The following ZNF577 variants were observed in gnomAD, a reference collection of about 807,000 sequenced individuals.
ZNF577 encodes the protein zinc finger protein 577.
ZNF577 carries 14 observed loss-of-function variants against 13.9 expected under a neutral mutation model. The ratio of observed to expected loss-of-function variants is 1.00; its 90% CI spans 0.66 to 1.57. ZNF577 has a LOEUF of 1.57. Among genes scored for constraint, ZNF577 ranks in the 40% most tolerant of loss-of-function variants. The pLI is 0.00. For missense variants in ZNF577, 555 were observed against 579.2 expected (o/e 0.96, Z 0.43); for synonymous variants, 203 against 202.9 (o/e 1.00, Z 0.00).
chr19:51,824,386 C>G lies in ZNF577; in HGVS notation c.*600-12712G>C. The G allele has an allele frequency of 6.2e-7, 1 of 1,614,132 alleles. No homozygotes were observed. The highest frequency in any genetic ancestry group is 8.5e-7 in the Non-Finnish European group (1 of 1,180,012). ...CACTTCATTATTGGCTTCAGCGTGC[C>G]TATGTCCATCATCACAGTCTGCTAT... On this transcript the variant is annotated intron_variant and NMD_transcript_variant, in intron 9 of 10. Transcript: ENST00000638827. The surrounding 1 kb of genome is among the most constrained non-coding windows in gnomAD (Gnocchi z 4.7).
intron 6 of ZNF577, chr19:51,843,450 T>G (rs1368438120): frequency 6.6e-6 from 1 of 152,234 alleles, no homozygotes; most frequent in Non-Finnish European, 1.5e-5. Context: ...TAGTTTTGGT[T>G]TGCACTTTGT....
intron 9 of ZNF577, among the ~76,000 whole-genome samples, chr19:51,813,708 G>A (rs751461927): frequency 5.9e-5 from 9 of 152,048 alleles, no homozygotes; most frequent in Non-Finnish European, 8.8e-5. Context: ...TTTTGCTTTT[G>A]TATTTTTAGT....
intron 8 of ZNF577, among the ~76,000 whole-genome samples, chr19:51,842,341 G>A (rs150092922): frequency 6.6e-6 from 1 of 152,290 alleles, no homozygotes; most frequent in African/African-American, 2.4e-5. Context: ...GGCCTAATGG[G>A]AGGTGTCTAG....
chr19:51,875,760 G>T (rs1209044053), intron 5 of ZNF577, among the ~76,000 whole-genome samples: 1 of 152,164 alleles, frequency 6.6e-6, no homozygotes, highest in Non-Finnish European at 1.5e-5. Context: ...CCTGCCCAGA[G>T]GGGAATGAAG....
chr19:51,885,937 G>C (rs996699940), intron 1 of ZNF577, among the ~76,000 whole-genome samples: 4 of 152,038 alleles, frequency 2.6e-5, no homozygotes, highest in African/African-American at 9.7e-5. Flanking sequence ...ATCATCAATG[G>C]AATACTACAC....
intron 5 of ZNF577, among the ~76,000 whole-genome samples, chr19:51,875,421 C>T (rs2084743935): frequency 6.9e-6 from 1 of 144,222 alleles, no homozygotes; most frequent in Non-Finnish European, 1.5e-5. Context: ...TAGTCAAAAA[C>T]TAGTTCTTGG....
chr19:51,882,407 C>A (rs536936998), intron 1 of ZNF577, among the ~76,000 whole-genome samples: 2 of 151,512 alleles, frequency 1.3e-5, no homozygotes, highest in African/African-American at 4.8e-5. Context: ...CCAGAGGACA[C>A]TACCTAAATT....
chr19:51,809,934 C>G (rs1184824805), intron 10 of ZNF577, among the ~76,000 whole-genome samples: 1 of 152,104 alleles, frequency 6.6e-6, no homozygotes, highest in Non-Finnish European at 1.5e-5. Flanking sequence ...CATCTCATTT[C>G]CCAGCAGGGG....
intron 9 of ZNF577, among the ~76,000 whole-genome samples, chr19:51,822,412 G>A (rs2084197120): frequency 6.6e-6 from 1 of 152,198 alleles, no homozygotes; most frequent in African/African-American, 2.4e-5. Context: ...TTGATTTGCA[G>A]AGAAGAAATG....
Position 51,883,462 on chromosome 19 carries a change from A to C in ZNF577, c.-218-2585T>G, listed in dbSNP as rs182583752. Among the ~76,000 whole-genome samples the C allele has an allele frequency of 9.9e-3, 1,506 of 152,202 alleles. 15 individuals carry two copies. The highest frequency in any genetic ancestry group is 0.019 in the South Asian group (93 of 4,826). ...TTAACTTGTTGTTCTCTACCTACCC[A>C]ACTCCCAGTTTTTCCTTTTAATTAA... On this transcript the variant is annotated intron_variant, in intron 1 of 5. Coordinates refer to ENST00000638348, the MANE Select transcript of ZNF577 (RefSeq NM_001370449.1).
At position 51,824,197 on chromosome 19, in the gene ZNF577, G is replaced by A; in HGVS notation, c.*600-12523C>T. The A allele has an allele frequency of 1.9e-6, 3 of 1,614,144 alleles. No homozygotes were observed. Among genetic ancestry groups the A allele is most frequent in the Non-Finnish European group, 2.5e-6 (3 of 1,180,014 alleles). ...GCCAAGAGGGTGATGACGGGACTCT[G>A]GATTTTCACCATAGTCCTTACCTTA... On this transcript the variant is annotated intron_variant and NMD_transcript_variant, in intron 9 of 10. Coordinates refer to the ZNF577 transcript ENST00000638827. This position sits in a 1 kb window ranked among gnomAD's most constrained non-coding sequence, Gnocchi z 4.7.
At chr19:51,866,569 T>C (rs1358728709), downstream of ZNF577, among the ~76,000 whole-genome samples, 1 of 152,164 alleles carries the variant, frequency 6.6e-6, no homozygotes, top group Non-Finnish European at 1.5e-5. Flanking sequence ...GTCAAGCCAA[T>C]CCAGACTTCT....
chr19:51,844,480 C>T (rs1048754982), intron 6 of ZNF577, among the ~76,000 whole-genome samples: 4 of 152,144 alleles, frequency 2.6e-5, no homozygotes, highest in African/African-American at 9.7e-5. Flanking sequence ...TTTAAAAATT[C>T]TCTTGTGATG....
intron 5 of ZNF577, among the ~76,000 whole-genome samples, chr19:51,845,571 A>G (rs755993294): frequency 1.3e-5 from 2 of 152,148 alleles, no homozygotes; most frequent in Non-Finnish European, 2.9e-5. Flanking sequence ...CTTAAACATA[A>G]AAGTTCATGT....
chr19:51,835,323 C>T (rs753796606), intron 9 of ZNF577, among the ~76,000 whole-genome samples: 3 of 151,246 alleles, frequency 2.0e-5, no homozygotes, highest in Non-Finnish European at 4.4e-5. Flanking sequence ...CCTTGAAAAG[C>T]ACACATATGA....
At chr19:51,843,907 T>C (rs1190835512) in intron 6 of ZNF577, among the ~76,000 whole-genome samples, 1 of 152,178 alleles carries the variant, frequency 6.6e-6, no homozygotes, top group Admixed American at 6.5e-5. Context: ...GTATCTGTAT[T>C]AAATACCATT....
At chr19:51,878,767 C>A in intron 3 of ZNF577, 1 of 355,658 alleles carries the variant, frequency 2.8e-6, no homozygotes, top group Non-Finnish European at 5.2e-6. Flanking sequence ...GAAAAACTTA[C>A]CAATAATCTA....
intron 9 of ZNF577, among the ~76,000 whole-genome samples, chr19:51,833,595 A>G (rs530795033): frequency 6.6e-6 from 1 of 152,344 alleles, no homozygotes; most frequent in Admixed American, 6.5e-5. Flanking sequence ...TGCTTACCAA[A>G]TGAGAGAAAA....
At chr19:51,875,223 C>T (rs1298927168) in intron 5 of ZNF577, among the ~76,000 whole-genome samples, 1 of 151,754 alleles carries the variant, frequency 6.6e-6, no homozygotes, top group Non-Finnish European at 1.5e-5. Flanking sequence ...ATTAGCTAGG[C>T]GTGGTGGCAG....
Sources: gnomAD v4.1 joint callset for allele counts (sites outside exome capture counted in the v4.1 genomes callset) on GRCh38, gnomAD v4.1.1 for gene constraint, Gnocchi (gnomAD v3.1) non-coding constraint, MANE v1.5 for transcripts, NCBI Gene and HGNC (gene_info 2026-07-23, HGNC 2026-07-21) for gene names.